ZNF26: variants seen among roughly 807,000 people sequenced by gnomAD.
The protein encoded by ZNF26 is zinc finger protein 26, also known as epididymis luminal protein 179.
In ZNF26, 32 loss-of-function variants were observed where a neutral mutation model predicts 54.9. The observed-to-expected ratio is 0.58, with a 90% CI of 0.44 to 0.78. The LOEUF (loss-of-function observed/expected upper bound fraction) is 0.78, where lower values mean the gene tolerates loss of function less well. Among genes scored for constraint, ZNF26 ranks in the 30% least tolerant of loss-of-function variants. The probability of loss-of-function intolerance (pLI) is 0.00; values close to 1 mark genes in which losing one functional copy is unlikely to be tolerated. For missense variants in ZNF26, 524 were observed against 634.0 expected, an observed-to-expected ratio of 0.83 and a Z score of 1.86; for synonymous variants, 221 against 209.2, an observed-to-expected ratio of 1.06 and a Z score of -0.49.
rs988506423 is a variant in ZNF26 at position 133,013,317 on chromosome 12, G to C, written c.*1836G>C. 104 of 152,336 alleles carry C rather than the reference G, an allele frequency of 6.8e-4. No homozygotes were observed. Among genetic ancestry groups the C allele is most frequent in the African/African-American group, 2.5e-3 (104 of 41,548 alleles). The allele number at this position is 152,336 out of a possible 1,614,324, so 9.4% of individuals were successfully genotyped here. A position where few individuals can be genotyped will look rare whatever the true frequency, so the allele number is the denominator to read the frequency against. ...TACAGCTGTAGGAGTGAGGTGGTGG[G>C]AATCAAATAGTATATTTGGCTTGGT... On this transcript the variant is annotated 3_prime_UTR_variant, in exon 4 of 4. Transcript: ENST00000328654.
intron 1 of ZNF26, among the ~76,000 whole-genome samples, chr12:133,003,584 A>G (rs1953265398): frequency 1.3e-5 from 2 of 152,088 alleles, no homozygotes; most frequent in African/African-American, 4.8e-5. Context: ...GTTTGTGTGT[A>G]CTGTATTCCT....
chr12:133,008,678 A>C (rs1457908318), intron 3 of ZNF26, among the ~76,000 whole-genome samples: 1 of 148,698 alleles, frequency 6.7e-6, no homozygotes, highest in Non-Finnish European at 1.5e-5. Flanking sequence ...CAGGAGGCTG[A>C]GGCAGGAGAA....
Position 133,019,694 on chromosome 12 carries a change from C to T in ZNF26, c.*8213C>T, listed in dbSNP as rs7975602. On this transcript the variant is annotated 3_prime_UTR_variant, in exon 4 of 4. Coordinates refer to ENST00000328654, the MANE Select transcript of ZNF26 (RefSeq NM_019591.4). ...AGCAACTGAAAATAGAACTATTATA[C>T]GATCCAGCAACCCCACTACTGGGTG... 0.92 allele frequency: 140,161 copies of T among 152,338 alleles called. 64,818 individuals are homozygous for T. Among genetic ancestry groups the T allele is most frequent in the East Asian group, 1 (5,167 of 5,174 alleles). 9.4% of individuals were successfully genotyped at this position (152,338 alleles called of 1,614,324 possible). A position where few individuals can be genotyped will look rare whatever the true frequency, so the allele number is the denominator to read the frequency against.
chr12:132,995,737 C>T (rs55690102), intron 1 of ZNF26, among the ~76,000 whole-genome samples: 9 of 152,188 alleles, frequency 5.9e-5, no homozygotes, highest in East Asian at 1.9e-4. Context: ...CTGCAACCTC[C>T]GCCTCCTGGG....
intron 1 of ZNF26, chr12:133,005,975 ATGTGTTC>A: frequency 8.7e-6 from 4 of 462,272 alleles, no homozygotes; most frequent in Non-Finnish European, 1.1e-5. Context: ...AGGCTCTACC[ATGTGTTC>A]TGTGTGATGC....
chr12:132,993,779 G>A (rs1953016985), intron 1 of ZNF26, among the ~76,000 whole-genome samples: 1 of 152,054 alleles, frequency 6.6e-6, no homozygotes, highest in Non-Finnish European at 1.5e-5. Flanking sequence ...TTGCCTTTTA[G>A]TATTGCCTTG....
rs1294408650 is a variant in ZNF26, at chr12:133,018,114, G to A, written c.*6633G>A. ...CTACCAATAACACCACAAAGGAGGA[G>A]GATGGGAGAAGAGTCGTGTTGGGGT... On this transcript the variant is annotated 3_prime_UTR_variant, in exon 4 of 4. Coordinates refer to ENST00000328654, the MANE Select transcript of ZNF26 (RefSeq NM_019591.4). 6.6e-6 allele frequency: 1 copy of A among 152,216 alleles called. No individual in the cohort carries two copies. Among genetic ancestry groups the A allele is most frequent in the Admixed American group, 6.5e-5 (1 of 15,272 alleles). The allele number at this position is 152,216 out of a possible 1,614,324, so 9.4% of individuals were successfully genotyped here.
At chr12:133,002,885 A>G (rs1241007806) in intron 1 of ZNF26, among the ~76,000 whole-genome samples, 5 of 151,960 alleles carry the variant, frequency 3.3e-5, no homozygotes, top group African/African-American at 1.2e-4. Flanking sequence ...TGGCCTCCCA[A>G]AGTGCTGGGA....
intron 1 of ZNF26, chr12:132,995,390 T>G (rs1261619520): frequency 6.6e-6 from 1 of 151,270 alleles, no homozygotes; most frequent in African/African-American, 2.4e-5. Flanking sequence ...AAATGTCTCC[T>G]TGTTTTTTTT....
Position 133,016,609 on chromosome 12 carries a change from AC to A in ZNF26, c.*5132del, listed in dbSNP as rs1228062731. 7 of 146,010 alleles carry A rather than the reference AC, an allele frequency of 4.8e-5. No individual in the cohort carries two copies. The highest frequency in any genetic ancestry group is 2.2e-4 in the South Asian group (1 of 4,570). 9.0% of individuals were successfully genotyped at this position (146,010 alleles called of 1,614,324 possible). A position where few individuals can be genotyped will look rare whatever the true frequency, so the allele number is the denominator to read the frequency against. On this transcript the variant is annotated 3_prime_UTR_variant, in exon 4 of 4. Coordinates refer to ENST00000328654, the MANE Select transcript of ZNF26 (RefSeq NM_019591.4). ...AGACCAGTCTGGACAACAAAGCAAA[AC>A]CCCATCTCTGAAAAAAAAAAAATAC...
intron 1 of ZNF26, 112 bp downstream of exon 1, chr12:132,986,985 G>T: frequency 4.9e-6 from 6 of 1,231,896 alleles, no homozygotes; most frequent in East Asian, 2.6e-5. Flanking sequence ...AATTGTGTGC[G>T]TAGTTTACTA....
chr12:133,001,785 C>T lies in ZNF26; in HGVS notation c.34-5257C>T. 1 of 1,071,712 alleles carries T rather than the reference C, an allele frequency of 9.3e-7. No homozygotes were observed. The highest frequency in any genetic ancestry group is 1.3e-6 in the Non-Finnish European group (1 of 792,078). 66.4% of individuals were successfully genotyped at this position (1,071,712 alleles called of 1,614,324 possible). Reference sequence around the variant, plus strand: ...TGAGGTGAGCTGCTGAACCCTCACTCCCCAGCTGCCTTTTGAGAGTCCCGC... The same window carrying T: ...TGAGGTGAGCTGCTGAACCCTCACTTCCCAGCTGCCTTTTGAGAGTCCCGC... On this transcript the variant is annotated intron_variant, in intron 1 of 3. Coordinates refer to ENST00000328654, the MANE Select transcript of ZNF26 (RefSeq NM_019591.4). The surrounding 1 kb of genome is among the most constrained non-coding windows in gnomAD (Gnocchi z 4.7).
At chr12:133,007,554 A>G in intron 3 of ZNF26, 22 bp downstream of exon 3, 1 of 1,578,956 alleles carries the variant, frequency 6.3e-7, no homozygotes, top group South Asian at 1.1e-5. Flanking sequence ...AGAAAGAGGA[A>G]GGTGGGAGGC....
Position 133,021,193 on chromosome 12 carries a change from A to G in ZNF26, c.*9712A>G, listed in dbSNP as rs1203655290. 2.1e-5 allele frequency: 3 copies of G among 143,906 alleles called. No homozygotes were observed. Among genetic ancestry groups the G allele is most frequent in the African/African-American group, 5.2e-5 (2 of 38,264 alleles). The allele number at this position is 143,906 out of a possible 1,614,324, so 8.9% of individuals were successfully genotyped here. On this transcript the variant is annotated 3_prime_UTR_variant, in exon 4 of 4. Coordinates refer to ENST00000328654, the MANE Select transcript of ZNF26 (RefSeq NM_019591.4). ...AAGTGCAGTGGCACCGTGTCGGCTCACTGCAACCTCTGCCTCCCGGGTTCA... is the reference window on the plus strand; with the variant it reads ...AAGTGCAGTGGCACCGTGTCGGCTCGCTGCAACCTCTGCCTCCCGGGTTCA...
rs2137274143 is a variant in ZNF26 at position 133,016,865 on chromosome 12, A to C, written c.*5384A>C. The stretch of plus-strand genomic sequence containing the variant: ...TGGAGGTTGTAAGGATGGGAATATT[A>C]GTTGAAAGTCTGATATTTTATCATT... On this transcript the variant is annotated 3_prime_UTR_variant, in exon 4 of 4. Transcript: ENST00000328654. The C allele has an allele frequency of 6.6e-6, 1 of 152,224 alleles. No individual in the cohort carries two copies. Among genetic ancestry groups the C allele is most frequent in the Admixed American group, 6.5e-5 (1 of 15,290 alleles). The allele number at this position is 152,224 out of a possible 1,614,324, so 9.4% of individuals were successfully genotyped here.
At chr12:132,996,697 G>A (rs1489999661) in intron 1 of ZNF26, among the ~76,000 whole-genome samples, 1 of 152,168 alleles carries the variant, frequency 6.6e-6, no homozygotes, top group Admixed American at 6.5e-5. Context: ...ATTTTATCAT[G>A]TGTATTTTTT....
At chr12:132,997,365 A>G (rs1320453579) in intron 1 of ZNF26, among the ~76,000 whole-genome samples, 6 of 152,192 alleles carry the variant, frequency 3.9e-5, no homozygotes, top group African/African-American at 1.4e-4. Flanking sequence ...ACAGGGGTTA[A>G]TCAGAAACCC....
At chr12:133,007,735 T>A (rs987160322) in intron 3 of ZNF26, among the ~76,000 whole-genome samples, 4 of 152,202 alleles carry the variant, frequency 2.6e-5, no homozygotes, top group Admixed American at 2.0e-4. Flanking sequence ...TCCCCCTTAC[T>A]GTTGAGAGGC....
chr12:132,989,945 T>A (rs1052583488), intron 1 of ZNF26, among the ~76,000 whole-genome samples: 22 of 152,268 alleles, frequency 1.4e-4, no homozygotes, highest in African/African-American at 5.3e-4. Flanking sequence ...TTGTTCCTAG[T>A]TTAGTGAGGG....
Sources: gnomAD v4.1 joint callset for allele counts (sites outside exome capture counted in the v4.1 genomes callset) on GRCh38, gnomAD v4.1.1 for gene constraint, Gnocchi (gnomAD v3.1) non-coding constraint, MANE v1.5 for transcripts, NCBI Gene and HGNC (gene_info 2026-07-23, HGNC 2026-07-21) for gene names.